Variants in VPS13A observed in about 807,000 individuals in gnomAD.
VPS13A encodes the protein intermembrane lipid transfer protein VPS13A.
A neutral mutation model predicts 390.9 loss-of-function variants in VPS13A; 264 were observed. The observed-to-expected ratio is 0.68, with a 90% CI of 0.61 to 0.75. The LOEUF is 0.75. Ranked by LOEUF, VPS13A falls within the 30% of genes least tolerant of loss-of-function variation. The pLI is 0.00. For missense variants in VPS13A, 3,409 were observed against 3,733.9 expected, an observed-to-expected ratio of 0.91 and a Z score of 2.27; for synonymous variants, 1,231 against 1,227.1, an observed-to-expected ratio of 1.00 and a Z score of -0.07.
rs762311045 is a variant in VPS13A, at chr9:77,403,243, A to G, written c.9197A>G (p.Glu3066Gly). 15 of 1,611,292 alleles carry G rather than the reference A, an allele frequency of 9.3e-6. 1 individual carries two copies. The highest frequency in any genetic ancestry group is 1.7e-4 in the Middle Eastern group (1 of 5,996). ...CTCACTTTTTTCTTTTAGGTCATGG[A>G]AAATGGAAGATTTGCAAAATACAAA... Reference protein sequence around the residue: ...GTGNQMLQVMENGRFAKYKYF... With the variant: ...GTGNQMLQVMGNGRFAKYKYF... Residue 3066 changes from glutamate (E) to glycine (G), a missense_variant, in exon 69 of 72, where the codon GAA becomes GGA. Around this residue, in one of 5 missense-constraint regions of VPS13A, gnomAD observed 318 missense variants for 333.7 expected, o/e 0.95. Coordinates refer to ENST00000360280, the MANE Select transcript of VPS13A (RefSeq NM_033305.3).
rs957559341 is a variant in VPS13A, at chr9:77,308,004, G to C, written c.4020G>C (p.Trp1340Cys). 6.2e-7 allele frequency: 1 copy of C among 1,607,418 alleles called. No homozygotes were observed. Among genetic ancestry groups the C allele is most frequent in the Non-Finnish European group, 8.5e-7 (1 of 1,174,200 alleles). The change falls in exon 35 of 72, where the codon TGG (tryptophan) becomes TGC (cysteine). Residue 1340 changes from tryptophan to cysteine, a missense_variant. Transcript: ENST00000360280. ...TIFKTLHGNI[W>C]YEKDGSASPA... ...TTAAAACATTGCATGGCAATATATG[G>C]TATGAAAAAGATGGTAGTGCCTCAC...
intron 71 of VPS13A, among the ~76,000 whole-genome samples, chr9:77,411,660 CAAAAAAAAAAAAA>C (rs1169254413): frequency 8.8e-5 from 3 of 33,920 alleles, no homozygotes; most frequent in South Asian, 4.0e-3. Context: ...AACTCCATCT[CAAAAAAAAAAAAA>C]AAAAAAAAAA....
chr9:77,207,435 AGATT>A (rs1220256673), intron 5 of VPS13A, among the ~76,000 whole-genome samples: 1 of 150,354 alleles, frequency 6.7e-6, no homozygotes, highest in Non-Finnish European at 1.5e-5. Flanking sequence ...TGTACTATGA[AGATT>A]GACCCTATTT....
Position 77,250,102 on chromosome 9 carries a change from G to C in VPS13A, c.2043G>C (p.Thr681=). 1 of 1,613,592 alleles carries C rather than the reference G, an allele frequency of 6.2e-7. No individual in the cohort carries two copies. Among genetic ancestry groups the C allele is most frequent in the South Asian group, 1.1e-5 (1 of 91,044 alleles). ...CTATTAAAATTAACTTGAAGGTGAC[G>C]AGTAAAAGTCGTTCTGAATTACCAG... ...LLLDLGHLKV[T]SKSRSELPDV... is the part of the protein sequence containing the mutation. The change falls in exon 21 of 72, where the codon ACG becomes ACC. Residue 681 remains threonine, a synonymous_variant. Transcript: ENST00000360280.
At chr9:77,221,992 G>A (rs1168082824) in intron 13 of VPS13A, among the ~76,000 whole-genome samples, 2 of 151,970 alleles carry the variant, frequency 1.3e-5, no homozygotes, top group Admixed American at 6.6e-5. Flanking sequence ...TATTATTTTT[G>A]TATTAATCTT....
chr9:77,401,162 T>C (rs528506590), intron 68 of VPS13A, among the ~76,000 whole-genome samples: 3 of 152,358 alleles, frequency 2.0e-5, no homozygotes, highest in Non-Finnish European at 4.4e-5. Flanking sequence ...ACTGCAGCTT[T>C]ATAAATTGCA....
intron 10 of VPS13A, among the ~76,000 whole-genome samples, chr9:77,214,685 A>AT (rs1429521052): frequency 6.6e-6 from 1 of 152,228 alleles, no homozygotes; most frequent in Admixed American, 6.5e-5. Flanking sequence ...TTATGAAGAC[A>AT]TTTCAAAATG....
intron 34 of VPS13A, among the ~76,000 whole-genome samples, chr9:77,304,491 T>A (rs946865601): frequency 1.3e-5 from 2 of 152,178 alleles, no homozygotes; most frequent in Non-Finnish European, 2.9e-5. Flanking sequence ...CTGTAGTCAA[T>A]TAGATATATT....
In VPS13A at chr9:77,214,018, G is replaced by A. The variant is rs375649593; in HGVS notation, c.697-311G>A. Among the ~76,000 whole-genome samples, 61 of 151,846 alleles carry A rather than the reference G, an allele frequency of 4.0e-4. No homozygotes were observed. The East Asian group carries it at 0.01, about 26-fold the overall frequency. On this transcript the variant is annotated intron_variant, in intron 9 of 71. Transcript: ENST00000360280. The stretch of plus-strand genomic sequence containing the variant: ...TGGCTAGGCGTGGTGGCTCACACCT[G>A]TAATCCCAGCACTTTGGGAGGCCGA...
intron 24 of VPS13A, among the ~76,000 whole-genome samples, chr9:77,273,749 C>T (rs1182057317): frequency 6.6e-6 from 1 of 152,082 alleles, no homozygotes; most frequent in Non-Finnish European, 1.5e-5. Context: ...AAGTTTGTTA[C>T]GCAGATATGT....
At chr9:77,412,648 A>G (rs1308693592) in intron 71 of VPS13A, among the ~76,000 whole-genome samples, 2 of 152,202 alleles carry the variant, frequency 1.3e-5, no homozygotes, top group Non-Finnish European at 2.9e-5. Flanking sequence ...TATCATACCG[A>G]ATGGGCAAAA....
Position 77,371,060 on chromosome 9 carries a change from A to G in VPS13A, c.8988A>G (p.Lys2996=). Residue 2996 remains lysine (K), a synonymous_variant, in exon 67 of 72, where the codon AAA becomes AAG. Transcript: ENST00000360280. The stretch of plus-strand genomic sequence containing the variant: ...AAGGAGGAGCAGCTGGTTTCTTTAA[A>G]GGTGTTGGGAAAGGTTTAGTAGGAG... ...AQKGGAAGFF[K]GVGKGLVGAV... 6.2e-7 allele frequency: 1 copy of G among 1,614,120 alleles called. No individual in the cohort carries two copies.
At chr9:77,357,338 AAAAAG>A (rs1563955485) in intron 55 of VPS13A, among the ~76,000 whole-genome samples, 1 of 147,188 alleles carries the variant, frequency 6.8e-6, no homozygotes, top group African/African-American at 2.5e-5. Flanking sequence ...AAAAAAAAAA[AAAAAG>A]AAAAGAAAAC....
chr9:77,269,407 T>C (rs1488530729), intron 23 of VPS13A, among the ~76,000 whole-genome samples: 2 of 152,228 alleles, frequency 1.3e-5, no homozygotes, highest in African/African-American at 4.8e-5. Flanking sequence ...TTTCCATCTG[T>C]TTCTGTCCTT....
intron 33 of VPS13A, among the ~76,000 whole-genome samples, chr9:77,296,155 A>G (rs746035555): frequency 1.3e-5 from 2 of 152,150 alleles, no homozygotes; most frequent in African/African-American, 4.8e-5. Context: ...AAAAATGAGG[A>G]ATTTCTAATG....
chr9:77,310,816 T>C (rs1829029865), intron 35 of VPS13A, among the ~76,000 whole-genome samples: 1 of 152,086 alleles, frequency 6.6e-6, no homozygotes, highest in African/African-American at 2.4e-5. Context: ...TAACAAGAAA[T>C]AGATGTTTGA....
chr9:77,232,717 A>G (rs1189658685), intron 17 of VPS13A, among the ~76,000 whole-genome samples: 1 of 152,150 alleles, frequency 6.6e-6, no homozygotes, highest in Admixed American at 6.6e-5. Flanking sequence ...AGCTCCCTTT[A>G]TAAAACCATC....
At chr9:77,311,808 A>T (rs1829093478) in intron 35 of VPS13A, among the ~76,000 whole-genome samples, 2 of 152,208 alleles carry the variant, frequency 1.3e-5, no homozygotes, top group South Asian at 2.1e-4. Context: ...GTTTACAAAG[A>T]TGCACCATTT....
intron 21 of VPS13A, 45 bp from the exon 22 acceptor site, chr9:77,252,190 T>C (rs1245936089): frequency 6.9e-7 from 1 of 1,450,572 alleles, no homozygotes; most frequent in South Asian, 1.1e-5. Context: ...TTTTAGGTTT[T>C]GTGTGTTATA....
Sources: allele counts gnomAD v4.1 joint callset (sites outside exome capture counted in the v4.1 genomes callset), GRCh38; gene constraint gnomAD v4.1.1; regional missense constraint gnomAD v4.1.1; transcripts MANE v1.5; gene names NCBI Gene and HGNC (gene_info 2026-07-23, HGNC 2026-07-21).